MORC1: variants seen among roughly 807,000 people sequenced by gnomAD.
MORC1 encodes the protein MORC family CW-type zinc finger protein 1.
Under a neutral mutation model 134.9 loss-of-function variants are expected in MORC1, and 59 were observed. The observed-to-expected ratio is 0.44, with a 90% CI of 0.35 to 0.54. MORC1 has a LOEUF of 0.54. Among genes scored for constraint, MORC1 ranks in the 20% least tolerant of loss-of-function variants. The probability of loss-of-function intolerance (pLI) is 0.00; values close to 1 mark genes in which losing one functional copy is unlikely to be tolerated. For missense variants in MORC1, 947 were observed against 1,134.5 expected, an observed-to-expected ratio of 0.83 and a Z score of 2.37; for synonymous variants, 395 against 391.7, an observed-to-expected ratio of 1.01 and a Z score of -0.10.
chr3:109,034,977 G>A (rs1483984100), intron 15 of MORC1, among the ~76,000 whole-genome samples: 2 of 151,986 alleles, frequency 1.3e-5, no homozygotes, highest in Non-Finnish European at 2.9e-5. Context: ...TCAAACTCCT[G>A]AGCTCAAGCA....
At chr3:109,076,395 C>A (rs573914112) in intron 8 of MORC1, among the ~76,000 whole-genome samples, 1 of 152,244 alleles carries the variant, frequency 6.6e-6, no homozygotes, top group Non-Finnish European at 1.5e-5. Flanking sequence ...TAAATTAGTT[C>A]AACCATTGTG....
chr3:109,043,435 T>C (rs1338371514), intron 14 of MORC1, among the ~76,000 whole-genome samples: 1 of 152,136 alleles, frequency 6.6e-6, no homozygotes, highest in African/African-American at 2.4e-5. Context: ...TATTGTTTCA[T>C]GGGTATAGCA....
chr3:109,081,013 C>T (rs1296711957), intron 8 of MORC1, among the ~76,000 whole-genome samples: 1 of 151,870 alleles, frequency 6.6e-6, no homozygotes, highest in Non-Finnish European at 1.5e-5. Flanking sequence ...AATCCTTCAC[C>T]CTCCATGTAC....
intron 2 of MORC1, among the ~76,000 whole-genome samples, chr3:109,111,380 T>C (rs1349283190): frequency 2.0e-5 from 3 of 152,254 alleles, no homozygotes; most frequent in African/African-American, 4.8e-5. Flanking sequence ...AGTTGAGTAG[T>C]TTCAAAGGAG....
chr3:108,984,900 C>T (rs963319495), intron 22 of MORC1, 118 bp from the exon 23 acceptor site: 1 of 684,010 alleles, frequency 1.5e-6, no homozygotes, highest in African/African-American at 1.9e-5. Flanking sequence ...ATTGAAACAT[C>T]CATTTATAAA....
chr3:108,995,979 G>C (rs1424598453), intron 21 of MORC1, among the ~76,000 whole-genome samples: 2 of 152,220 alleles, frequency 1.3e-5, no homozygotes, highest in Non-Finnish European at 2.9e-5. Flanking sequence ...ATTCATGTAG[G>C]GGACAGTTAT....
chr3:108,970,454 T>C (rs1947346553), intron 25 of MORC1, among the ~76,000 whole-genome samples: 1 of 152,008 alleles, frequency 6.6e-6, no homozygotes, highest in Non-Finnish European at 1.5e-5. Flanking sequence ...AGAACAGTCA[T>C]AGTTCAGCTG....
At chr3:109,110,629 G>A (rs2107802069) in intron 3 of MORC1, 120 bp downstream of exon 3, 1 of 824,540 alleles carries the variant, frequency 1.2e-6, no homozygotes, top group Non-Finnish European at 1.9e-6. Flanking sequence ...TACCCACAAA[G>A]CACTTAGATT....
At chr3:108,968,726 A>C (rs1303728819) in intron 26 of MORC1, among the ~76,000 whole-genome samples, 1 of 151,040 alleles carries the variant, frequency 6.6e-6, no homozygotes, top group African/African-American at 2.4e-5. Context: ...CTGTAAACAT[A>C]AGCATACAGA....
At chr3:109,065,892 T>C (rs1174132413) in intron 9 of MORC1, among the ~76,000 whole-genome samples, 1 of 152,220 alleles carries the variant, frequency 6.6e-6, no homozygotes, top group East Asian at 1.9e-4. Context: ...GAGACCATCA[T>C]CTTAAGTAAA....
At chr3:108,969,216 C>T (rs1947304971) in intron 26 of MORC1, among the ~76,000 whole-genome samples, 1 of 152,034 alleles carries the variant, frequency 6.6e-6, no homozygotes, top group East Asian at 1.9e-4. Flanking sequence ...TTAAAAATTG[C>T]TTTTACTTCT....
Position 109,087,998 on chromosome 3 carries a change from G to A in MORC1, c.689+5438C>T, listed in dbSNP as rs990458382. Among the ~76,000 whole-genome samples, 8 of 152,220 alleles carry A rather than the reference G, an allele frequency of 5.3e-5. No individual in the cohort carries two copies. The East Asian group carries it at 1.5e-3, about 29-fold the overall frequency. The stretch of plus-strand genomic sequence containing the variant: ...GGAAAAGACTCCCTCTTCAATAAAT[G>A]GTGCTGGGATAACTGGCTAGCCATA... On this transcript the variant is annotated intron_variant, in intron 8 of 27. Coordinates refer to ENST00000232603, the MANE Select transcript of MORC1 (RefSeq NM_014429.4).
chr3:109,059,601 G>A (rs904954416), intron 12 of MORC1, among the ~76,000 whole-genome samples: 2 of 151,952 alleles, frequency 1.3e-5, no homozygotes, highest in East Asian at 1.9e-4. Context: ...GTAGACACAC[G>A]TGTACGTGCA....
chr3:109,044,669 G>C (rs1329228258), intron 14 of MORC1, among the ~76,000 whole-genome samples: 2 of 151,422 alleles, frequency 1.3e-5, no homozygotes, highest in Non-Finnish European at 2.9e-5. Context: ...AATGTGTGGG[G>C]CATGGTGGCT....
intron 1 of MORC1, among the ~76,000 whole-genome samples, chr3:109,114,838 A>G (rs1361158504): frequency 6.6e-6 from 1 of 152,262 alleles, no homozygotes; most frequent in Non-Finnish European, 1.5e-5. Flanking sequence ...CTTGCCTACT[A>G]AAAGGCCATA....
intron 3 of MORC1, 62 bp from the exon 4 acceptor site, chr3:109,103,979 T>C: frequency 3.6e-6 from 5 of 1,403,652 alleles, no homozygotes; most frequent in East Asian, 2.3e-5. Flanking sequence ...CAGAAAGTCA[T>C]GCTGCTAGAA....
rs930290442 is a variant in MORC1 at position 108,961,687 on chromosome 3, A to G, written c.2799+1727T>C. Among the ~76,000 whole-genome samples, 16 of 152,344 alleles carry G rather than the reference A, an allele frequency of 1.1e-4. No homozygotes were observed. The East Asian group carries it at 2.1e-3, about 20-fold the overall frequency. On this transcript the variant is annotated intron_variant, in intron 27 of 27. Transcript: ENST00000232603. ...CCTCTCCACTGAGATTAGGCAAAAG[A>G]GTTTCATACTCTGCTGGCTGAAGCC...
intron 14 of MORC1, among the ~76,000 whole-genome samples, chr3:109,043,833 G>A (rs1009689786): frequency 2.6e-5 from 4 of 152,132 alleles, no homozygotes; most frequent in African/African-American, 7.2e-5. Context: ...GAAATAAAAT[G>A]AAAGTGGAAT....
intron 8 of MORC1, among the ~76,000 whole-genome samples, chr3:109,075,554 G>A (rs1000354053): frequency 6.6e-6 from 1 of 152,118 alleles, no homozygotes; most frequent in African/African-American, 2.4e-5. Context: ...ATTAAATAGG[G>A]AATCCTTTCC....
Sources: gnomAD v4.1 joint callset for allele counts (sites outside exome capture counted in the v4.1 genomes callset) on GRCh38, gnomAD v4.1.1 for gene constraint, MANE v1.5 for transcripts, NCBI Gene and HGNC (gene_info 2026-07-23, HGNC 2026-07-21) for gene names.